ANKRD46: variants seen among roughly 807,000 people sequenced by gnomAD.
The protein encoded by ANKRD46 is ankyrin repeat domain-containing protein 46.
A neutral mutation model predicts 19.8 loss-of-function variants in ANKRD46; 13 were observed. The observed-to-expected ratio is 0.66, with a 90% confidence interval of 0.43 to 1.04. ANKRD46 has a LOEUF of 1.04. Ranked by LOEUF, ANKRD46 falls within the 50% of genes least tolerant of loss-of-function variation. ANKRD46 has a pLI of 0.00. For synonymous variants in ANKRD46, 91 were observed against 106.9 expected (o/e 0.85, Z 0.92); for missense variants, 185 against 274.8 (o/e 0.67, Z 2.31).
downstream of ANKRD46, among the ~76,000 whole-genome samples, chr8:100,520,452 G>A (rs1203315441): frequency 6.6e-6 from 1 of 152,056 alleles, no homozygotes; most frequent in African/African-American, 2.4e-5. Context: ...AGCCATCCCT[G>A]TGTCCATTTT....
chr8:100,548,125 T>A (rs1283870114), intron 1 of ANKRD46, among the ~76,000 whole-genome samples: 1 of 151,458 alleles, frequency 6.6e-6, no homozygotes, highest in Non-Finnish European at 1.5e-5. Flanking sequence ...AAAAAAAATC[T>A]TCCAAAAACA....
intron 1 of ANKRD46, among the ~76,000 whole-genome samples, chr8:100,548,612 C>G (rs1320233262): frequency 6.6e-6 from 1 of 152,216 alleles, no homozygotes; most frequent in Non-Finnish European, 1.5e-5. Flanking sequence ...CTATTACACA[C>G]TAAGTGCTCA....
rs1204633328 is a variant in ANKRD46 at position 100,545,798 on chromosome 8, A to C, written c.-130-12487T>G. ...GATAGTGATATGGACAATGAAATCA[A>C]GGCTGAGGTGGTCTCAGAAAGAGAT... On this transcript the variant is annotated intron_variant, in intron 1 of 4. Transcript: ENST00000335659. This position sits in a 1 kb window ranked among gnomAD's most constrained non-coding sequence, Gnocchi z 4.7. Among the ~76,000 whole-genome samples, 2 of 152,216 alleles carry C rather than the reference A, an allele frequency of 1.3e-5. No homozygotes were observed. The highest frequency in any genetic ancestry group is 2.9e-5 in the Non-Finnish European group (2 of 68,028).
In ANKRD46 at chr8:100,510,936, G is replaced by C. The variant is rs1387470394; in HGVS notation, c.637-297C>G. 6.6e-6 allele frequency among the ~76,000 whole-genome samples: 1 copy of C among 152,150 alleles called. No homozygotes were observed. Among genetic ancestry groups the C allele is most frequent in the African/African-American group, 2.4e-5 (1 of 41,448 alleles). Reference sequence around the variant, plus strand: ...AGCTCAAAGAGCTGAAGCCATCTGGGAACCTAATCACCCACTGCCTGCAGG... The same window carrying C: ...AGCTCAAAGAGCTGAAGCCATCTGGCAACCTAATCACCCACTGCCTGCAGG... On this transcript the variant is annotated intron_variant, in intron 5 of 5. Transcript: ENST00000520552. The surrounding 1 kb of genome is among the most constrained non-coding windows in gnomAD (Gnocchi z 4.9).
At position 100,527,852 on chromosome 8, in the gene ANKRD46, T is replaced by G. The variant is rs1386669639; in HGVS notation, c.463A>C (p.Ser155Arg). ...SKLETMQTAE[S>R]ESAMESHSLL... is the part of the protein sequence containing the mutation. ...AAGTTGTATCTCCAGTACCTTTCAC[T>G]CTCAGCTGTTTGCATGGTCTCCAGT... The change falls in exon 4 of 5, where the codon AGT becomes CGT. Residue 155 changes from serine (S) to arginine (R), a missense_variant. By Grantham distance (110) the Ser-to-Arg change is moderately radical. Coordinates refer to ENST00000335659, the MANE Select transcript of ANKRD46 (RefSeq NM_001270377.2). This position sits in a 1 kb window ranked among gnomAD's most constrained non-coding sequence, Gnocchi z 4.0. 2.5e-6 allele frequency: 4 copies of G among 1,613,190 alleles called. No individual in the cohort carries two copies. In the South Asian group the frequency reaches 4.4e-5, roughly 18 times the overall value.
Position 100,527,755 on chromosome 8 carries a change from G to T in ANKRD46, c.470+90C>A. 1 of 1,405,552 alleles carries T rather than the reference G, an allele frequency of 7.1e-7. No individual in the cohort carries two copies. Among genetic ancestry groups the T allele is most frequent in the Non-Finnish European group, 9.5e-7 (1 of 1,048,010 alleles). 87.1% of individuals were successfully genotyped at this position (1,405,552 alleles called of 1,614,324 possible). On this transcript the variant is annotated intron_variant, in intron 4 of 4. Transcript: ENST00000335659. The surrounding 1 kb of genome is among the most constrained non-coding windows in gnomAD (Gnocchi z 4.0). ...CTACATGTGCCTATAGTCCCAGCTA[G>T]TCAGGAGGCTGAGGCAGGAAGAATG...
chr8:100,555,652 A>G lies in ANKRD46; in HGVS notation c.-131+4059T>C, dbSNP rs541488921. On this transcript the variant is annotated intron_variant, in intron 1 of 4. Transcript: ENST00000335659. ...CAATGAGAACAAGAAAGGAGAGCCA[A>G]CCAATGAAAAATTCCTGGAGAAAAA... is the stretch of plus-strand genomic sequence containing the variant. Among the ~76,000 whole-genome samples, 345 of 150,108 alleles carry G rather than the reference A, an allele frequency of 2.3e-3. 1 individual carries two copies. The highest frequency in any genetic ancestry group is 2.9e-3 in the Non-Finnish European group (198 of 67,590).
In ANKRD46 at chr8:100,527,055, C is replaced by T. The variant is rs987155335; in HGVS notation, c.470+790G>A. ...ATATGCTACTAGAACTAAGTCTGGC[C>T]TATTAACTTTACCTGTTGAGCCCAG... On this transcript the variant is annotated intron_variant, in intron 4 of 4. Coordinates refer to ENST00000335659, the MANE Select transcript of ANKRD46 (RefSeq NM_001270377.2). This position sits in a 1 kb window ranked among gnomAD's most constrained non-coding sequence, Gnocchi z 4.0. Among the ~76,000 whole-genome samples the T allele has an allele frequency of 2.0e-5, 3 of 152,114 alleles. No individual in the cohort carries two copies. Among genetic ancestry groups the T allele is most frequent in the Admixed American group, 2.0e-4 (3 of 15,262 alleles).
intron 5 of ANKRD46, among the ~76,000 whole-genome samples, chr8:100,514,611 C>CTTTTT (rs1563922826): frequency 2.6e-5 from 2 of 76,074 alleles, no homozygotes; most frequent in Admixed American, 1.3e-4. Flanking sequence ...GTTATTCCTC[C>CTTTTT]ATCTTCTTTT....
In ANKRD46 at chr8:100,544,739, T is replaced by G. The variant is rs1812238895; in HGVS notation, c.-130-11428A>C. Among the ~76,000 whole-genome samples the G allele has an allele frequency of 6.6e-6, 1 of 152,194 alleles. No individual in the cohort carries two copies. Among genetic ancestry groups the G allele is most frequent in the South Asian group, 2.1e-4 (1 of 4,824 alleles). On this transcript the variant is annotated intron_variant, in intron 1 of 4. Transcript: ENST00000335659. The surrounding 1 kb of genome is among the most constrained non-coding windows in gnomAD (Gnocchi z 4.4). The stretch of plus-strand genomic sequence containing the variant: ...TGTCTTACCTACTTCACAATATTTT[T>G]GTACAGAACTTTGAAAACTATAATG...
rs1812219042 is a variant in ANKRD46, at chr8:100,543,700, GTTATATC to G, written c.-130-10396_-130-10390del. On this transcript the variant is annotated intron_variant, in intron 1 of 4. Transcript: ENST00000335659. The surrounding 1 kb of genome is among the most constrained non-coding windows in gnomAD (Gnocchi z 4.2). ...GGGGAAATGAACTATAATATGAAAT[GTTATATC>G]TTAAACTGTAGAGAAGTATAAGAAA... 1.3e-5 allele frequency among the ~76,000 whole-genome samples: 2 copies of G among 152,094 alleles called. No individual in the cohort carries two copies. Among genetic ancestry groups the G allele is most frequent in the Non-Finnish European group, 1.5e-5 (1 of 68,008 alleles).
chr8:100,556,926 T>A (rs1248000267), intron 1 of ANKRD46: 3 of 152,200 alleles, frequency 2.0e-5, no homozygotes. Context: ...TCTCATTTCC[T>A]TACACTAGAT....
rs1007167277 is a variant in ANKRD46, at chr8:100,536,535, G to A, written c.-130-3224C>T. 6.6e-6 allele frequency among the ~76,000 whole-genome samples: 1 copy of A among 152,040 alleles called. No homozygotes were observed. Among genetic ancestry groups the A allele is most frequent in the Non-Finnish European group, 1.5e-5 (1 of 67,996 alleles). On this transcript the variant is annotated intron_variant, in intron 1 of 4. Transcript: ENST00000335659. This position sits in a 1 kb window ranked among gnomAD's most constrained non-coding sequence, Gnocchi z 4.9. ...CTGGGGAGACAGTCCTCAGCCATAC[G>A]GAAGAAAGCTTGCATACAGCACTGA...
chr8:100,551,559 G>T, intron 1 of ANKRD46: 1 of 761,448 alleles, frequency 1.3e-6, no homozygotes, highest in Non-Finnish European at 2.3e-6. Flanking sequence ...AATTTGCCAT[G>T]GGTAGAAATA....
rs957436336 is a variant in ANKRD46, at chr8:100,537,255, C to G, written c.-130-3944G>C. ...AGATGGATTTTTCATTTTGAAAGGCCATTTGGAAAGGGAAGACTAAGTACC... is the reference window on the plus strand; with the variant it reads ...AGATGGATTTTTCATTTTGAAAGGCGATTTGGAAAGGGAAGACTAAGTACC... On this transcript the variant is annotated intron_variant, in intron 1 of 4. Coordinates refer to ENST00000335659, the MANE Select transcript of ANKRD46 (RefSeq NM_001270377.2). This position sits in a 1 kb window ranked among gnomAD's most constrained non-coding sequence, Gnocchi z 4.2. Among the ~76,000 whole-genome samples, 2 of 152,074 alleles carry G rather than the reference C, an allele frequency of 1.3e-5. No individual in the cohort carries two copies. Among genetic ancestry groups the G allele is most frequent in the Non-Finnish European group, 2.9e-5 (2 of 68,004 alleles).
intron 5 of ANKRD46, among the ~76,000 whole-genome samples, chr8:100,512,948 T>C (rs897677224): frequency 1.3e-5 from 2 of 152,094 alleles, no homozygotes; most frequent in Non-Finnish European, 2.9e-5. Flanking sequence ...ACTGGAGAGA[T>C]CTCTGGGCTC....
Position 100,525,834 on chromosome 8 carries a change from C to T in ANKRD46, c.470+2011G>A, listed in dbSNP as rs1401864363. On this transcript the variant is annotated intron_variant, in intron 4 of 4. Coordinates refer to ENST00000335659, the MANE Select transcript of ANKRD46 (RefSeq NM_001270377.2). This position sits in a 1 kb window ranked among gnomAD's most constrained non-coding sequence, Gnocchi z 4.4. ...CTGCCAGACTTTTCCAAAGAAGCTG[C>T]TCTACTTTCCATTCCCATCAGCAGT... Among the ~76,000 whole-genome samples the T allele has an allele frequency of 6.6e-6, 1 of 152,204 alleles. No homozygotes were observed. The highest frequency in any genetic ancestry group is 1.5e-5 in the Non-Finnish European group (1 of 68,028).
At position 100,557,614 on chromosome 8, in the gene ANKRD46, G is replaced by C. The variant is rs1188107755; in HGVS notation, c.-131+2097C>G. ...CTTCTCACTCAGAGTAAAAGCAAAA[G>C]TCCTTACCTGGGCCCATTAGCTCTC... is the stretch of plus-strand genomic sequence containing the variant. On this transcript the variant is annotated intron_variant, in intron 1 of 4. Transcript: ENST00000335659. This position sits in a 1 kb window ranked among gnomAD's most constrained non-coding sequence, Gnocchi z 5.9. 6.6e-6 allele frequency among the ~76,000 whole-genome samples: 1 copy of C among 152,106 alleles called. No homozygotes were observed. Among genetic ancestry groups the C allele is most frequent in the African/African-American group, 2.4e-5 (1 of 41,404 alleles).
In ANKRD46 at chr8:100,550,035, TTCTC is replaced by T. The variant is rs1393677961; in HGVS notation, c.-131+9672_-131+9675del. Among the ~76,000 whole-genome samples the T allele has an allele frequency of 2.0e-5, 3 of 152,240 alleles. No individual in the cohort carries two copies. Among genetic ancestry groups the T allele is most frequent in the Admixed American group, 6.5e-5 (1 of 15,284 alleles). ...CTCTTTAGGACTGCATAATATGTCATTCTCTGTATGTATTACAGTTTATCTGTTC... is the reference window on the plus strand; with the variant it reads ...CTCTTTAGGACTGCATAATATGTCATTGTATGTATTACAGTTTATCTGTTC... On this transcript the variant is annotated intron_variant, in intron 1 of 4. Coordinates refer to ENST00000335659, the MANE Select transcript of ANKRD46 (RefSeq NM_001270377.2). This position sits in a 1 kb window ranked among gnomAD's most constrained non-coding sequence, Gnocchi z 4.4.
Sources: gnomAD v4.1 joint callset for allele counts (sites outside exome capture counted in the v4.1 genomes callset) on GRCh38, gnomAD v4.1.1 for gene constraint, Gnocchi (gnomAD v3.1) non-coding constraint, MANE v1.5 for transcripts, NCBI Gene and HGNC (gene_info 2026-07-23, HGNC 2026-07-21) for gene names.